The following TRHDE variants were observed in gnomAD, a reference collection of about 807,000 sequenced individuals.
The protein encoded by TRHDE is thyrotropin-releasing hormone-degrading ectoenzyme.
TRHDE carries 72 observed loss-of-function variants against 125.7 expected under a neutral mutation model. The ratio of observed to expected loss-of-function variants is 0.57; its 90% CI spans 0.47 to 0.70. TRHDE has a LOEUF of 0.70. TRHDE is among the 30% of genes least tolerant of loss of function. The probability of loss-of-function intolerance (pLI) is 0.00; values close to 1 mark genes in which losing one functional copy is unlikely to be tolerated. For synonymous variants in TRHDE, 509 were observed against 509.1 expected (o/e 1.00, Z 0.00); for missense variants, 1,110 against 1,327.1 (o/e 0.84, Z 2.54).
chr12:72,376,527 T>C (rs190255780), intron 2 of TRHDE, among the ~76,000 whole-genome samples: 1 of 152,280 alleles, frequency 6.6e-6, no homozygotes, highest in Non-Finnish European at 1.5e-5. Flanking sequence ...GTAGACTAAA[T>C]TTGATATTTT....
chr12:72,339,878 G>T (rs1183253389), intron 2 of TRHDE, among the ~76,000 whole-genome samples: 1 of 152,058 alleles, frequency 6.6e-6, no homozygotes, highest in East Asian at 1.9e-4. Context: ...TTCAGCCAAG[G>T]TTTATCTCCC....
At chr12:72,571,332 A>G (rs1870723175) in intron 10 of TRHDE, among the ~76,000 whole-genome samples, 1 of 152,178 alleles carries the variant, frequency 6.6e-6, no homozygotes, top group South Asian at 2.1e-4. Flanking sequence ...TAATTATAAC[A>G]ATCAGGTCAA....
intron 10 of TRHDE, among the ~76,000 whole-genome samples, chr12:72,572,285 C>A (rs1488235792): frequency 6.6e-6 from 1 of 152,012 alleles, no homozygotes; most frequent in African/African-American, 2.4e-5. Flanking sequence ...CCTTTTTATT[C>A]CAACAGAAAG....
intron 2 of TRHDE, among the ~76,000 whole-genome samples, chr12:72,182,209 G>C (rs1461345160): frequency 6.6e-6 from 1 of 152,138 alleles, no homozygotes; most frequent in Non-Finnish European, 1.5e-5. Context: ...TGAAGAAGTA[G>C]ACCTAGGCTC....
intron 12 of TRHDE, among the ~76,000 whole-genome samples, chr12:72,584,374 G>A (rs1277721934): frequency 6.6e-6 from 1 of 151,900 alleles, no homozygotes; most frequent in Non-Finnish European, 1.5e-5. Context: ...TAATTCTTGT[G>A]TGCATGATCT....
At position 72,272,705 on chromosome 12, in the gene TRHDE, A is replaced by AGAG. The variant is rs1167075576; in HGVS notation, c.65_67dup (p.Arg22dup). On this transcript the variant is annotated inframe_insertion, in exon 1 of 19. Transcript: ENST00000261180. The surrounding 1 kb of genome is among the most constrained non-coding windows in gnomAD (Gnocchi z 6.7). ...GAGAAGAAAAAGAAGAAGAAAAAGA[A>AGAG]GAGGAAGAAGAAGAAGGAGGAGGAG... is the stretch of plus-strand genomic sequence containing the variant. 1.4e-3 allele frequency: 1,447 copies of AGAG among 1,057,682 alleles called. 4 individuals carry two copies. Among genetic ancestry groups the AGAG allele is most frequent in the Middle Eastern group, 4.1e-3 (13 of 3,180 alleles). 65.5% of individuals were successfully genotyped at this position (1,057,682 alleles called of 1,614,324 possible). A position where few individuals can be genotyped will look rare whatever the true frequency, so the allele number is the denominator to read the frequency against.
chr12:72,429,338 C>CATA (rs57170664), intron 3 of TRHDE, among the ~76,000 whole-genome samples: 10,882 of 143,268 alleles, frequency 0.076, 680 homozygotes, highest in African/African-American at 0.17. Flanking sequence ...GAATTTAAAG[C>CATA]ATAATAATAA....
At chr12:72,211,395 T>G (rs1877778922) in intron 2 of TRHDE, among the ~76,000 whole-genome samples, 1 of 152,166 alleles carries the variant, frequency 6.6e-6, no homozygotes. Flanking sequence ...GTGCTAATAT[T>G]AGATAAAGTA....
chr12:72,377,070 G>A (rs1043923762), intron 2 of TRHDE, among the ~76,000 whole-genome samples: 4 of 152,102 alleles, frequency 2.6e-5, no homozygotes, highest in African/African-American at 9.7e-5. Context: ...TAGTGGCAGA[G>A]TAGGACTAAA....
Position 72,618,909 on chromosome 12 carries a change from G to T in TRHDE, c.2340G>T (p.Gln780His). ...ACTGTAGGGCTGGCTATTTGCCTCAGAATATTCCTCTGGAGATTATCAGAT... is the reference window on the plus strand; with the variant it reads ...ACTGTAGGGCTGGCTATTTGCCTCATAATATTCCTCTGGAGATTATCAGAT... ...FSLARAGYLP[Q>H]NIPLEIIRYL... Residue 780 changes from glutamine to histidine, a missense_variant, in exon 13 of 19, where the codon CAG (glutamine) becomes CAT (histidine). Gln to His is a conservative substitution (Grantham distance 24). Around this residue, in one of 5 missense-constraint regions of TRHDE, gnomAD observed 527 missense variants for 651.8 expected, o/e 0.81. Coordinates refer to ENST00000261180, the MANE Select transcript of TRHDE (RefSeq NM_013381.3). 1 of 1,547,936 alleles carries T rather than the reference G, an allele frequency of 6.5e-7. No individual in the cohort carries two copies. Among genetic ancestry groups the T allele is most frequent in the East Asian group, 2.4e-5 (1 of 42,522 alleles).
chr12:72,397,289 C>A (rs568052205), intron 3 of TRHDE, among the ~76,000 whole-genome samples: 1 of 152,170 alleles, frequency 6.6e-6, no homozygotes, highest in Admixed American at 6.5e-5. Context: ...TCCACATTTT[C>A]GCTGCTATTC....
At chr12:72,603,417 C>T (rs1176196837) in intron 12 of TRHDE, among the ~76,000 whole-genome samples, 1 of 151,862 alleles carries the variant, frequency 6.6e-6, no homozygotes, top group Non-Finnish European at 1.5e-5. Context: ...GCAGAGTAAA[C>T]TTTCTTATAA....
intron 2 of TRHDE, among the ~76,000 whole-genome samples, chr12:72,207,463 A>G (rs1877691433): frequency 6.6e-6 from 1 of 152,204 alleles, no homozygotes; most frequent in Non-Finnish European, 1.5e-5. Context: ...AAAGCACAAA[A>G]AAATTGCACA....
intron 5 of TRHDE, among the ~76,000 whole-genome samples, chr12:72,477,326 A>T (rs1469254882): frequency 6.6e-6 from 1 of 152,190 alleles, no homozygotes; most frequent in Non-Finnish European, 1.5e-5. Context: ...ATTTATACGT[A>T]CAAAATAAAC....
chr12:72,122,947 A>G (rs1170181723), intron 2 of TRHDE, among the ~76,000 whole-genome samples: 1 of 152,182 alleles, frequency 6.6e-6, no homozygotes, highest in Non-Finnish European at 1.5e-5. Context: ...GCTAACAACA[A>G]CAACAACAAC....
intron 3 of TRHDE, among the ~76,000 whole-genome samples, chr12:72,440,702 T>A (rs1565742415): frequency 1.3e-5 from 2 of 151,866 alleles, no homozygotes; most frequent in Non-Finnish European, 2.9e-5. Flanking sequence ...ATTCAATAGG[T>A]AGCCTGGCTC....
chr12:72,595,304 C>A lies in TRHDE; in HGVS notation c.2321+19762C>A, dbSNP rs534363836. Among the ~76,000 whole-genome samples, 5 of 151,802 alleles carry A rather than the reference C, an allele frequency of 3.3e-5. No homozygotes were observed. In the South Asian group the frequency reaches 1.0e-3, roughly 32 times the overall value. On this transcript the variant is annotated intron_variant, in intron 12 of 18. Transcript: ENST00000261180. ...TTTCAAAAATAAGCATTCAAAAAAA[C>A]AAAATAAAGGATATTTTTGTACATG... is the stretch of plus-strand genomic sequence containing the variant.
At chr12:72,124,040 T>C (rs1875655725) in intron 2 of TRHDE, among the ~76,000 whole-genome samples, 2 of 152,160 alleles carry the variant, frequency 1.3e-5, no homozygotes. Context: ...TACAGGCATA[T>C]AATTTTCTTC....
intron 2 of TRHDE, among the ~76,000 whole-genome samples, chr12:72,324,448 T>TA (rs1869244938): frequency 6.6e-6 from 1 of 151,808 alleles, no homozygotes; most frequent in Non-Finnish European, 1.5e-5. Flanking sequence ...CACTCAGAGG[T>TA]AAAAACGTCA....
Sources: gnomAD v4.1 joint callset for allele counts (sites outside exome capture counted in the v4.1 genomes callset) on GRCh38, gnomAD v4.1.1 for gene constraint, gnomAD v4.1.1 regional missense constraint, Gnocchi (gnomAD v3.1) non-coding constraint, MANE v1.5 for transcripts, NCBI Gene and HGNC (gene_info 2026-07-23, HGNC 2026-07-21) for gene names.